ST6GAL1: variants seen among roughly 807,000 people sequenced by gnomAD.
ST6GAL1 encodes ST6 beta-galactoside alpha-2,6-sialyltransferase 1, also known as beta-galactoside alpha-2,6-sialyltransferase 1.
A neutral mutation model predicts 38.0 loss-of-function variants in ST6GAL1; 20 were observed. The observed-to-expected ratio is 0.53, with a 90% CI of 0.37 to 0.77. The LOEUF is 0.77. Ranked by LOEUF, ST6GAL1 falls within the 30% of genes least tolerant of loss-of-function variation. The pLI, the probability that ST6GAL1 is intolerant of heterozygous loss-of-function variation, is 0.00. For synonymous variants in ST6GAL1, 196 were observed against 188.2 expected (o/e 1.04, Z -0.34); for missense variants, 432 against 496.4 (o/e 0.87, Z 1.23).
intron 2 of ST6GAL1, among the ~76,000 whole-genome samples, chr3:187,017,952 T>A (rs751332902): frequency 1.3e-5 from 2 of 152,162 alleles, no homozygotes; most frequent in African/African-American, 4.8e-5. Flanking sequence ...TCTTCGGTAT[T>A]TCAGTAGAAA....
At chr3:187,032,055 T>C (rs1717771042) in intron 2 of ST6GAL1, among the ~76,000 whole-genome samples, 1 of 152,224 alleles carries the variant, frequency 6.6e-6, no homozygotes, top group Admixed American at 6.5e-5. Flanking sequence ...CTTCTACAGC[T>C]GGTTGAAGAT....
intron 1 of ST6GAL1, among the ~76,000 whole-genome samples, chr3:186,938,830 G>A (rs746537138): frequency 1.3e-5 from 2 of 152,120 alleles, no homozygotes; most frequent in Non-Finnish European, 2.9e-5. Flanking sequence ...CCCAGATTAC[G>A]TGCAAGTACA....
Position 187,075,656 on chromosome 3 carries a change from G to A in ST6GAL1, c.1074G>A (p.Lys358=). The A allele has an allele frequency of 6.2e-7, 1 of 1,614,168 alleles. No homozygotes were observed. Among genetic ancestry groups the A allele is most frequent in the Non-Finnish European group, 8.5e-7 (1 of 1,180,018 alleles). ...CTGACGTGTGCTACTACTACCAGAA[G>A]TTCTTCGATAGTGCCTGCACGATGG... ...RKTDVCYYYQ[K]FFDSACTMGA... Residue 358 remains lysine (K), a synonymous_variant, in exon 8 of 8, where the codon AAG becomes AAA. Coordinates refer to ENST00000169298, the MANE Select transcript of ST6GAL1 (RefSeq NM_173216.2). The surrounding 1 kb of genome is among the most constrained non-coding windows in gnomAD (Gnocchi z 4.1).
intron 2 of ST6GAL1, among the ~76,000 whole-genome samples, chr3:187,007,811 A>G (rs1405061557): frequency 6.6e-6 from 1 of 152,188 alleles, no homozygotes; most frequent in African/African-American, 2.4e-5. Flanking sequence ...TGAAATTAGG[A>G]AAGATAGAAG....
intron 1 of ST6GAL1, among the ~76,000 whole-genome samples, chr3:186,947,346 G>T (rs1714405400): frequency 2.0e-5 from 3 of 152,190 alleles, no homozygotes; most frequent in African/African-American, 7.2e-5. Context: ...AAATAGTGAT[G>T]TTTATCTGCC....
At chr3:186,945,540 T>G (rs1007387865) in intron 1 of ST6GAL1, among the ~76,000 whole-genome samples, 2 of 152,246 alleles carry the variant, frequency 1.3e-5, no homozygotes, top group Admixed American at 1.3e-4. Flanking sequence ...TGGTGAACTC[T>G]TAATCCGTTC....
intron 1 of ST6GAL1, among the ~76,000 whole-genome samples, chr3:186,958,215 T>C (rs973529192): frequency 6.6e-6 from 1 of 152,100 alleles, no homozygotes; most frequent in African/African-American, 2.4e-5. Flanking sequence ...AACTAAGAAA[T>C]ATACATGAAA....
rs187102286 is a variant in ST6GAL1 at position 187,049,325 on chromosome 3, G to A, written c.608-1924G>A. Among the ~76,000 whole-genome samples the A allele has an allele frequency of 1.4e-3, 214 of 152,276 alleles. 1 individual carries two copies. The highest frequency in any genetic ancestry group is 4.5e-3 in the African/African-American group (189 of 41,564). On this transcript the variant is annotated intron_variant, in intron 4 of 7. Coordinates refer to ENST00000169298, the MANE Select transcript of ST6GAL1 (RefSeq NM_173216.2). ...CAGGGCACCTATTCCGCCATGTTTC[G>A]CCTTGCAGAGTAAACTCAAGCTGTA...
chr3:186,938,910 T>G (rs887145679), intron 1 of ST6GAL1, among the ~76,000 whole-genome samples: 1 of 152,128 alleles, frequency 6.6e-6, no homozygotes, highest in Non-Finnish European at 1.5e-5. Context: ...CACTGAGTTG[T>G]GCTGGCTAAG....
At chr3:186,965,492 T>G (rs547373778) in intron 2 of ST6GAL1, among the ~76,000 whole-genome samples, 2 of 152,262 alleles carry the variant, frequency 1.3e-5, no homozygotes, top group South Asian at 4.1e-4. Flanking sequence ...GGGTGGGACA[T>G]CCGTTAAGCA....
intron 2 of ST6GAL1, among the ~76,000 whole-genome samples, chr3:187,032,681 A>G (rs1160736963): frequency 6.6e-6 from 1 of 152,200 alleles, no homozygotes; most frequent in Non-Finnish European, 1.5e-5. Flanking sequence ...AGGGAAATTC[A>G]TGCTGTGAAA....
chr3:187,074,680 G>C (rs1017256150), intron 7 of ST6GAL1, among the ~76,000 whole-genome samples: 1 of 152,062 alleles, frequency 6.6e-6, no homozygotes, highest in African/African-American at 2.4e-5. Flanking sequence ...AGGCTTTGGA[G>C]AGGGGAGAAT....
Position 187,077,958 on chromosome 3 carries a change from G to A in ST6GAL1, c.*2155G>A, listed in dbSNP as rs1719618546. Reference sequence around the variant, plus strand: ...AATCTGATTCTGCTTGGGAATGGGCGGAGCACGTGGGCTGCTTAACTGCTG... The same window carrying A: ...AATCTGATTCTGCTTGGGAATGGGCAGAGCACGTGGGCTGCTTAACTGCTG... On this transcript the variant is annotated 3_prime_UTR_variant, in exon 8 of 8. Transcript: ENST00000169298. 2 of 152,598 alleles carry A rather than the reference G, an allele frequency of 1.3e-5. No individual in the cohort carries two copies. Among genetic ancestry groups the A allele is most frequent in the South Asian group, 2.1e-4 (1 of 4,820 alleles). The allele number at this position is 152,598 out of a possible 1,614,324, so 9.5% of individuals were successfully genotyped here. A position where few individuals can be genotyped will look rare whatever the true frequency, so the allele number is the denominator to read the frequency against.
At chr3:187,023,326 G>A (rs750713579) in intron 2 of ST6GAL1, among the ~76,000 whole-genome samples, 5 of 152,096 alleles carry the variant, frequency 3.3e-5, no homozygotes, top group Admixed American at 1.3e-4. Flanking sequence ...AAAGCACCAC[G>A]GATTTATGTT....
chr3:187,071,463 G>A (rs1184694060), intron 5 of ST6GAL1, among the ~76,000 whole-genome samples: 1 of 152,070 alleles, frequency 6.6e-6, no homozygotes, highest in African/African-American at 2.4e-5. Flanking sequence ...CAGAAAATGA[G>A]GGCCGGCCGG....
chr3:186,983,222 A>G lies in ST6GAL1; in HGVS notation c.-183+19296A>G, dbSNP rs117989051. Among the ~76,000 whole-genome samples the G allele has an allele frequency of 0.018, 2,766 of 152,242 alleles. 198 individuals carry two copies. The East Asian group carries it at 0.24, about 13-fold the overall frequency. On this transcript the variant is annotated intron_variant, in intron 2 of 7. Transcript: ENST00000169298. ...TTACCACGGTTTGGGCACTGGACAT[A>G]AAGGTGCTAGGGATACAGTGATAAT...
intron 2 of ST6GAL1, chr3:187,006,443 A>G (rs1427585833): frequency 6.6e-6 from 1 of 152,218 alleles, no homozygotes; most frequent in Non-Finnish European, 1.5e-5. Flanking sequence ...AATAGAGCCA[A>G]TTCCCTGTGT....
rs114994749 is a variant in ST6GAL1, at chr3:186,945,531, G to A, written c.-325+14697G>A. On this transcript the variant is annotated intron_variant, in intron 1 of 7. Coordinates refer to ENST00000169298, the MANE Select transcript of ST6GAL1 (RefSeq NM_173216.2). Reference sequence around the variant, plus strand: ...TAGAAGGCATAGTGGAAGGTCAATTGGTGAACTCTTAATCCGTTCAAATAG... The same window carrying A: ...TAGAAGGCATAGTGGAAGGTCAATTAGTGAACTCTTAATCCGTTCAAATAG... Among the ~76,000 whole-genome samples, 1,064 of 152,202 alleles carry A rather than the reference G, an allele frequency of 7.0e-3. 16 individuals carry two copies. Among genetic ancestry groups the A allele is most frequent in the African/African-American group, 0.024 (1,017 of 41,538 alleles).
intron 1 of ST6GAL1, among the ~76,000 whole-genome samples, chr3:186,957,818 C>G (rs1484911180): frequency 6.6e-6 from 1 of 152,120 alleles, no homozygotes; most frequent in Non-Finnish European, 1.5e-5. Context: ...GAAATTATAT[C>G]CTGACAAATT....
Sources: gnomAD v4.1 joint callset for allele counts (sites outside exome capture counted in the v4.1 genomes callset) on GRCh38, gnomAD v4.1.1 for gene constraint, Gnocchi (gnomAD v3.1) non-coding constraint, MANE v1.5 for transcripts, NCBI Gene and HGNC (gene_info 2026-07-23, HGNC 2026-07-21) for gene names.